The following TMPRSS11F variants were observed in gnomAD, a reference collection of about 807,000 sequenced individuals.
TMPRSS11F encodes transmembrane protease serine 11F.
A neutral mutation model predicts 60.2 loss-of-function variants in TMPRSS11F; 47 were observed. That is an observed-to-expected ratio of 0.78 (90% CI 0.62 to 1.00). The LOEUF is 1.00. TMPRSS11F is among the 50% of genes least tolerant of loss of function. The pLI is 0.00. For synonymous variants in TMPRSS11F, 166 were observed against 167.3 expected (o/e 0.99, Z 0.06); for missense variants, 519 against 522.9 (o/e 0.99, Z 0.07).
At chr4:68,091,874 C>A (rs954815083) in intron 2 of TMPRSS11F, among the ~76,000 whole-genome samples, 10 of 151,886 alleles carry the variant, frequency 6.6e-5, no homozygotes, top group African/African-American at 2.2e-4. Flanking sequence ...GCAACCTCCA[C>A]CTCCTAGGTT....
intron 7 of TMPRSS11F, among the ~76,000 whole-genome samples, chr4:68,067,571 G>T (rs1723357159): frequency 6.6e-6 from 1 of 152,268 alleles, no homozygotes; most frequent in Admixed American, 6.5e-5. Context: ...TTGGAGGACT[G>T]TGTGAATATG....
At chr4:68,073,434 G>A (rs1270168133) in intron 4 of TMPRSS11F, among the ~76,000 whole-genome samples, 2 of 151,902 alleles carry the variant, frequency 1.3e-5, no homozygotes, top group Admixed American at 6.6e-5. Context: ...AGGGAAAGAA[G>A]GAGAGAGGGA....
chr4:68,070,571 G>A (rs1018692588), intron 5 of TMPRSS11F, among the ~76,000 whole-genome samples: 2 of 152,214 alleles, frequency 1.3e-5, no homozygotes, highest in African/African-American at 4.8e-5. Flanking sequence ...GATGGTTGTG[G>A]CTCAGGCAGC....
At chr4:68,084,747 A>T in intron 3 of TMPRSS11F, among the ~76,000 whole-genome samples, 3 of 151,398 alleles carry the variant, frequency 2.0e-5, no homozygotes, top group South Asian at 4.2e-4. Context: ...CTTTTTTTTT[A>T]TTATACTTTA....
rs552211226 is a variant in TMPRSS11F, at chr4:68,073,673, G to C, written c.350+269C>G. The stretch of plus-strand genomic sequence containing the variant: ...CTACTTAGCCCCTAGCTTAAGAGAC[G>C]GGGGGAAGAGGGAATGTTAACTGTG... On this transcript the variant is annotated intron_variant, in intron 4 of 9. Transcript: ENST00000356291. Among the ~76,000 whole-genome samples the C allele has an allele frequency of 9.8e-4, 65 of 66,060 alleles. 2 individuals carry two copies. The South Asian group carries it at 0.033, about 34-fold the overall frequency. The allele number at this position is 66,060 out of a possible 152,430, so 43.3% of individuals were successfully genotyped here.
At chr4:68,123,041 A>G (rs972518489) in intron 1 of TMPRSS11F, among the ~76,000 whole-genome samples, 1 of 152,220 alleles carries the variant, frequency 6.6e-6, no homozygotes, top group Non-Finnish European at 1.5e-5. Context: ...TAAGAGAGTC[A>G]GAGTAAATAA....
At chr4:68,114,990 T>TAAA (rs56946635) in intron 1 of TMPRSS11F, among the ~76,000 whole-genome samples, 5 of 114,398 alleles carry the variant, frequency 4.4e-5, no homozygotes, top group African/African-American at 1.4e-4. Flanking sequence ...ATTCATTATT[T>TAAA]AAAAAAAAAA....
At position 68,062,701 on chromosome 4, in the gene TMPRSS11F, C is replaced by A. The variant is rs374948629; in HGVS notation, c.1015+1984G>T. 37 of 747,200 alleles carry A rather than the reference C, an allele frequency of 5.0e-5. No individual in the cohort carries two copies. The South Asian group carries it at 5.0e-4, about 10-fold the overall frequency. The allele number at this position is 747,200 out of a possible 1,614,324, so 46.3% of individuals were successfully genotyped here. On this transcript the variant is annotated intron_variant, in intron 8 of 9. Coordinates refer to ENST00000356291, the MANE Select transcript of TMPRSS11F (RefSeq NM_207407.2). ...TGCTGCTTTTGTTATACACAGACAG[C>A]ATGAGTGTCACATGAGAAAGCTGAA...
At chr4:68,085,196 C>T (rs569475472) in intron 3 of TMPRSS11F, among the ~76,000 whole-genome samples, 192 of 147,616 alleles carry the variant, frequency 1.3e-3, no homozygotes, top group Middle Eastern at 6.8e-3. Context: ...AATAAACATA[C>T]GTGTGCATGT....
At chr4:68,073,856 C>T (rs1560397375) in intron 4 of TMPRSS11F, 86 bp downstream of exon 4, 1 of 773,436 alleles carries the variant, frequency 1.3e-6, no homozygotes, top group African/African-American at 1.8e-5. Flanking sequence ...GCTGTAAAGA[C>T]TTGCTCAGGG....
intron 2 of TMPRSS11F, among the ~76,000 whole-genome samples, chr4:68,098,339 A>G (rs1240882281): frequency 1.3e-5 from 2 of 152,090 alleles, no homozygotes; most frequent in South Asian, 4.1e-4. Flanking sequence ...ACCAAAGACG[A>G]AGGTAAATGA....
intron 1 of TMPRSS11F, among the ~76,000 whole-genome samples, chr4:68,117,467 C>CAAAAAAAAAAAAA (rs55708045): frequency 1.9e-5 from 1 of 51,394 alleles, no homozygotes; most frequent in African/African-American, 1.1e-4. Flanking sequence ...GACTCTGTCT[C>CAAAAAAAAAAAAA]AAAAAAAAAA....
At chr4:68,058,551 T>A (rs1038226996) in intron 9 of TMPRSS11F, among the ~76,000 whole-genome samples, 9 of 152,312 alleles carry the variant, frequency 5.9e-5, no homozygotes, top group Admixed American at 3.9e-4. Context: ...ATAAAATAGA[T>A]TAAAATATGT....
chr4:68,124,794 C>T (rs1012842849), intron 1 of TMPRSS11F, among the ~76,000 whole-genome samples: 1 of 151,910 alleles, frequency 6.6e-6, no homozygotes, highest in Admixed American at 6.6e-5. Context: ...ACAATAGTAT[C>T]TAGACACACC....
intron 1 of TMPRSS11F, among the ~76,000 whole-genome samples, chr4:68,102,714 T>A (rs183174251): frequency 5.9e-5 from 9 of 152,298 alleles, no homozygotes; most frequent in Non-Finnish European, 1.0e-4. Context: ...ATTGCAGATA[T>A]TAACCCTTTC....
chr4:68,079,651 A>C (rs1205071249), intron 3 of TMPRSS11F, among the ~76,000 whole-genome samples: 1 of 152,172 alleles, frequency 6.6e-6, no homozygotes, highest in Non-Finnish European at 1.5e-5. Context: ...CCAAACTACA[A>C]AAACTAATTG....
chr4:68,121,406 T>C (rs1341950586), intron 1 of TMPRSS11F, among the ~76,000 whole-genome samples: 1 of 152,194 alleles, frequency 6.6e-6, no homozygotes, highest in East Asian at 1.9e-4. Flanking sequence ...TTATATTACT[T>C]GTAGATGTTG....
intron 2 of TMPRSS11F, among the ~76,000 whole-genome samples, chr4:68,091,366 A>G (rs2109865021): frequency 6.6e-6 from 1 of 152,082 alleles, no homozygotes; most frequent in East Asian, 1.9e-4. Context: ...CTTGGCATTC[A>G]AAGATTCTAT....
chr4:68,060,624 C>A (rs1288608786), intron 8 of TMPRSS11F, among the ~76,000 whole-genome samples: 3 of 140,996 alleles, frequency 2.1e-5, no homozygotes, highest in Non-Finnish European at 4.6e-5. Context: ...GGTTCTAATT[C>A]CTACTCGTTT....
Sources: allele counts gnomAD v4.1 joint callset (sites outside exome capture counted in the v4.1 genomes callset), GRCh38; gene constraint gnomAD v4.1.1; transcripts MANE v1.5; gene names NCBI Gene and HGNC (gene_info 2026-07-23, HGNC 2026-07-21).